Variants in FGF8 observed in about 807,000 individuals in gnomAD.
FGF8 encodes fibroblast growth factor 8.
FGF8 carries 12 observed loss-of-function variants against 29.7 expected under a neutral mutation model. The observed-to-expected ratio is 0.40, with a 90% CI of 0.26 to 0.65. The LOEUF is 0.65. Ranked by LOEUF, FGF8 falls within the 30% of genes least tolerant of loss-of-function variation. The pLI is 0.37. For missense variants in FGF8, 271 were observed against 345.1 expected, an observed-to-expected ratio of 0.79 and a Z score of 1.70; for synonymous variants, 157 against 144.4, an observed-to-expected ratio of 1.09 and a Z score of -0.63.
intron 4 of FGF8, among the ~76,000 whole-genome samples, chr10:101,773,966 C>G (rs1005019941): frequency 6.6e-6 from 1 of 152,150 alleles, no homozygotes; most frequent in Non-Finnish European, 1.5e-5. Flanking sequence ...GAGTCTTCCC[C>G]TCTCCTTTCA....
upstream of FGF8, among the ~76,000 whole-genome samples, chr10:101,778,854 A>G (rs1391153068): frequency 6.6e-6 from 1 of 152,056 alleles, no homozygotes; most frequent in African/African-American, 2.4e-5. Flanking sequence ...CCTTTATCTT[A>G]TCAAAGCCCG....
chr10:101,771,802 G>C lies in FGF8; in HGVS notation c.338-233C>G, dbSNP rs1055101337. On this transcript the variant is annotated intron_variant, in intron 4 of 5. Coordinates refer to ENST00000320185, the MANE Select transcript of FGF8 (RefSeq NM_033163.5). This position sits in a 1 kb window ranked among gnomAD's most constrained non-coding sequence, Gnocchi z 5.3. Reference sequence around the variant, plus strand: ...GGACGGGATTATGGTTTTCAAACTGGGTTCTCAAGAGAGGTCTTGGGACTA... The same window carrying C: ...GGACGGGATTATGGTTTTCAAACTGCGTTCTCAAGAGAGGTCTTGGGACTA... Among the ~76,000 whole-genome samples the C allele has an allele frequency of 6.6e-6, 1 of 152,212 alleles. No homozygotes were observed. The highest frequency in any genetic ancestry group is 2.4e-5 in the African/African-American group (1 of 41,466).
rs976407209 is a variant in FGF8 at position 101,772,527 on chromosome 10, T to C, written c.338-958A>G. Among the ~76,000 whole-genome samples the C allele has an allele frequency of 5.3e-5, 8 of 152,316 alleles. No individual in the cohort carries two copies. Among genetic ancestry groups the C allele is most frequent in the African/African-American group, 1.9e-4 (8 of 41,576 alleles). ...CACCTCTCTGTGCAATCATCTCTTA[T>C]AGGCTGTCCTCAAGAAAGTAGTGAG... On this transcript the variant is annotated intron_variant, in intron 4 of 5. Transcript: ENST00000320185. This position sits in a 1 kb window ranked among gnomAD's most constrained non-coding sequence, Gnocchi z 4.4.
At position 101,775,198 on chromosome 10, in the gene FGF8, G is replaced by A; in HGVS notation, c.88C>T (p.Pro30Ser). The change falls in exon 3 of 6, where the codon CCT becomes TCT. Residue 30 changes from proline to serine, a missense_variant. By Grantham distance (74) the Pro-to-Ser change is moderately conservative. Coordinates refer to ENST00000320185, the MANE Select transcript of FGF8 (RefSeq NM_033163.5). The surrounding 1 kb of genome is among the most constrained non-coding windows in gnomAD (Gnocchi z 4.6). ...GAAGCGAGCTCCCTGCCCAGCGCAGGGCCCCTGCCCGGGCCTTCCTAGAGG... is the reference window on the plus strand; with the variant it reads ...GAAGCGAGCTCCCTGCCCAGCGCAGAGCCCCTGCCCGGGCCTTCCTAGAGG... ...LQAQEGPGRG[P>S]ALGRELASLF... The A allele has an allele frequency of 6.5e-7, 1 of 1,547,732 alleles. No individual in the cohort carries two copies. The highest frequency in any genetic ancestry group is 8.7e-7 in the Non-Finnish European group (1 of 1,146,608).
intron 4 of FGF8, among the ~76,000 whole-genome samples, chr10:101,774,404 C>G (rs1184502327): frequency 6.6e-6 from 1 of 152,208 alleles, no homozygotes; most frequent in African/African-American, 2.4e-5. Context: ...GCGACATATC[C>G]TCTTTCAAGC....
chr10:101,775,254 C>G lies in FGF8; in HGVS notation c.70-38G>C, dbSNP rs2065074017. 6 of 1,359,128 alleles carry G rather than the reference C, an allele frequency of 4.4e-6. No individual in the cohort carries two copies. The highest frequency in any genetic ancestry group is 6.1e-6 in the Non-Finnish European group (6 of 977,210). 84.2% of individuals were successfully genotyped at this position (1,359,128 alleles called of 1,614,324 possible). A position where few individuals can be genotyped will look rare whatever the true frequency, so the allele number is the denominator to read the frequency against. On this transcript the variant is annotated intron_variant, in intron 2 of 5. Coordinates refer to ENST00000320185, the MANE Select transcript of FGF8 (RefSeq NM_033163.5). The surrounding 1 kb of genome is among the most constrained non-coding windows in gnomAD (Gnocchi z 4.6). The stretch of plus-strand genomic sequence containing the variant: ...GGCGCTTTTAAGTAGGGAGGCAGCC[C>G]TCCCCGACCCCTGACATTTATAAAG...
At position 101,770,141 on chromosome 10, in the gene FGF8, TA is replaced by T. The variant is rs11322844; in HGVS notation, c.*187del. On this transcript the variant is annotated 3_prime_UTR_variant, in exon 6 of 6. Coordinates refer to ENST00000320185, the MANE Select transcript of FGF8 (RefSeq NM_033163.5). ...CAAAAATAGAGCCTCTCTTTTGTTT[TA>T]AAAAAAAAAAAAAAAAAAAAAACAG... is the stretch of plus-strand genomic sequence containing the variant. The T allele has an allele frequency of 0.27, 102,862 of 385,964 alleles. 4,434 individuals carry two copies. The highest frequency in any genetic ancestry group is 0.32 in the Admixed American group (6,871 of 21,610). 23.9% of individuals were successfully genotyped at this position (385,964 alleles called of 1,614,324 possible).
chr10:101,771,531 C>T lies in FGF8; in HGVS notation c.376G>A (p.Val126Ile), dbSNP rs749382906. Residue 126 changes from valine (V) to isoleucine (I), a missense_variant, in exon 5 of 6, where the codon GTT becomes ATT. Transcript: ENST00000320185. The surrounding 1 kb of genome is among the most constrained non-coding windows in gnomAD (Gnocchi z 5.3). ...CCCGTCTCGGCTCCTCGGACTCGAA[C>T]TCTGCTTCCAAAGGTGTCCGTCTCC... Reference protein sequence around the residue: ...IVETDTFGSRVRVRGAETGLY... With the variant: ...IVETDTFGSRIRVRGAETGLY... The T allele has an allele frequency of 2.5e-6, 4 of 1,614,224 alleles. No individual in the cohort carries two copies. In the South Asian group the frequency reaches 4.4e-5, roughly 18 times the overall value.
chr10:101,774,775 G>C lies in FGF8; in HGVS notation c.294C>G (p.Ala98=). 1 of 1,610,432 alleles carries C rather than the reference G, an allele frequency of 6.2e-7. No individual in the cohort carries two copies. Among genetic ancestry groups the C allele is most frequent in the Non-Finnish European group, 8.5e-7 (1 of 1,179,978 alleles). ...CTGCCATGGCGTTGATGCGCTTGTT[G>C]GCCAGGACCTGCACGTGCTTCCCGC... is the stretch of plus-strand genomic sequence containing the variant. ...RTSGKHVQVL[A]NKRINAMAED... Residue 98 remains alanine (A), a synonymous_variant, in exon 4 of 6, where the codon GCC becomes GCG. Transcript: ENST00000320185.
At chr10:101,773,886 C>T (rs938975069) in intron 4 of FGF8, among the ~76,000 whole-genome samples, 6 of 152,182 alleles carry the variant, frequency 3.9e-5, no homozygotes, top group Non-Finnish European at 5.9e-5. Flanking sequence ...CGTTCTTTTT[C>T]TGTTTTATAT....
At position 101,770,415 on chromosome 10, in the gene FGF8, T is replaced by C. The variant is rs1459130163; in HGVS notation, c.649A>G (p.Ser217Gly). The change falls in exon 6 of 6, where the codon AGC (serine) becomes GGC (glycine). Residue 217 changes from serine to glycine, a missense_variant. Ser to Gly is a moderately conservative substitution (Grantham distance 56). Coordinates refer to ENST00000320185, the MANE Select transcript of FGF8 (RefSeq NM_033163.5). ...LPRGHHTTEQSLRFEFLNYPP... is the reference protein window; with the variant it reads ...LPRGHHTTEQGLRFEFLNYPP... The stretch of plus-strand genomic sequence containing the variant: ...TAGTTGAGGAACTCGAAGCGCAGGC[T>C]CTGCTCGGTGGTGTGGTGGCCCCGG... The C allele has an allele frequency of 6.2e-7, 1 of 1,608,324 alleles. No homozygotes were observed. The highest frequency in any genetic ancestry group is 1.3e-5 in the African/African-American group (1 of 74,880).
rs573683588 is a variant in FGF8, at chr10:101,770,201, G to A, written c.*128C>T. On this transcript the variant is annotated 3_prime_UTR_variant, in exon 6 of 6. Coordinates refer to ENST00000320185, the MANE Select transcript of FGF8 (RefSeq NM_033163.5). The stretch of plus-strand genomic sequence containing the variant: ...CAACAGCAAACAATATCAACAACCG[G>A]AACCCAGGGCTCCCCCAGCACCTCC... The A allele has an allele frequency of 2.4e-6, 2 of 825,260 alleles. No individual in the cohort carries two copies. Among genetic ancestry groups the A allele is most frequent in the Admixed American group, 3.2e-5 (1 of 31,550 alleles). 51.1% of individuals were successfully genotyped at this position (825,260 alleles called of 1,614,324 possible).
rs1240519981 is a variant in FGF8, at chr10:101,775,998, C to A, written c.-98G>T. ...GAGCAGGGCGCGAGCGGAGAGGGTG[C>A]GGGTGCGGGAGGCCGGCGGCGATCA... is the stretch of plus-strand genomic sequence containing the variant. On this transcript the variant is annotated 5_prime_UTR_variant, in exon 1 of 6. Coordinates refer to ENST00000320185, the MANE Select transcript of FGF8 (RefSeq NM_033163.5). The surrounding 1 kb of genome is among the most constrained non-coding windows in gnomAD (Gnocchi z 4.6). The A allele has an allele frequency of 1.3e-5, 10 of 784,014 alleles. No homozygotes were observed. The highest frequency in any genetic ancestry group is 1.3e-5 in the Non-Finnish European group (8 of 614,190). The allele number at this position is 784,014 out of a possible 1,614,324, so 48.6% of individuals were successfully genotyped here.
chr10:101,775,260 G>A lies in FGF8; in HGVS notation c.70-44C>T, dbSNP rs1484463619. On this transcript the variant is annotated intron_variant, in intron 2 of 5. Transcript: ENST00000320185. This position sits in a 1 kb window ranked among gnomAD's most constrained non-coding sequence, Gnocchi z 4.6. ...TTTAAGTAGGGAGGCAGCCCTCCCC[G>A]ACCCCTGACATTTATAAAGACAAAT... 29 of 1,300,028 alleles carry A rather than the reference G, an allele frequency of 2.2e-5. No individual in the cohort carries two copies. The East Asian group carries it at 6.5e-4, about 29-fold the overall frequency. 80.5% of individuals were successfully genotyped at this position (1,300,028 alleles called of 1,614,324 possible).
At chr10:101,773,079 C>T (rs1490018686) in intron 4 of FGF8, among the ~76,000 whole-genome samples, 4 of 152,178 alleles carry the variant, frequency 2.6e-5, no homozygotes, top group South Asian at 2.1e-4. Flanking sequence ...CTATTCTCCC[C>T]GGACTACTCC....
chr10:101,775,834 G>GGGCGGGT lies in FGF8; in HGVS notation c.32+28_32+34dup, dbSNP rs1413285863. 7 of 1,521,256 alleles carry GGGCGGGT rather than the reference G, an allele frequency of 4.6e-6. No homozygotes were observed. The highest frequency in any genetic ancestry group is 5.1e-5 in the East Asian group (2 of 38,868). The allele number at this position is 1,521,256 out of a possible 1,614,324, so 94.2% of individuals were successfully genotyped here. On this transcript the variant is annotated intron_variant, in intron 1 of 5. Coordinates refer to ENST00000320185, the MANE Select transcript of FGF8 (RefSeq NM_033163.5). The surrounding 1 kb of genome is among the most constrained non-coding windows in gnomAD (Gnocchi z 4.6). ...GCGCGGGTGAGGCGAGGGGCGCGGG[G>GGGCGGGT]GGCGGGTGGCGGGGCAGGGCGGCGC... is the stretch of plus-strand genomic sequence containing the variant.
intron 5 of FGF8, 99 bp from the exon 6 acceptor site, chr10:101,770,718 G>T: frequency 7.4e-7 from 1 of 1,353,174 alleles, no homozygotes. Context: ...AGCAGATGGC[G>T]AGGTGGGCAG....
upstream of FGF8, among the ~76,000 whole-genome samples, chr10:101,777,280 G>A (rs968818097): frequency 6.6e-6 from 1 of 152,132 alleles, no homozygotes; most frequent in Non-Finnish European, 1.5e-5. Flanking sequence ...GAGATGCTCT[G>A]GGACAGGTGC....
At chr10:101,778,270 A>C (rs2065114082), upstream of FGF8, among the ~76,000 whole-genome samples, 1 of 152,244 alleles carries the variant, frequency 6.6e-6, no homozygotes, top group Non-Finnish European at 1.5e-5. Context: ...CAGTGAGATA[A>C]GCAGAGCAGG....
Sources: gnomAD v4.1 joint callset for allele counts (sites outside exome capture counted in the v4.1 genomes callset) on GRCh38, gnomAD v4.1.1 for gene constraint, Gnocchi (gnomAD v3.1) non-coding constraint, MANE v1.5 for transcripts, NCBI Gene and HGNC (gene_info 2026-07-23, HGNC 2026-07-21) for gene names.